Variants in TDRKH observed in about 807,000 individuals in gnomAD.
The protein encoded by TDRKH is tudor and KH domain-containing protein.
TDRKH carries 28 observed loss-of-function variants against 61.3 expected under a neutral mutation model. The observed-to-expected ratio is 0.46, with a 90% CI of 0.34 to 0.63. The LOEUF is 0.63. Ranked by LOEUF, TDRKH falls within the 20% of genes least tolerant of loss-of-function variation. The pLI is 0.01. For synonymous variants in TDRKH, 219 were observed against 244.4 expected (o/e 0.90, Z 0.97); for missense variants, 540 against 683.4 (o/e 0.79, Z 2.34).
intron 3 of TDRKH, 128 bp from the exon 4 acceptor site, chr1:151,780,268 ACAAC>A: frequency 3.5e-6 from 1 of 288,100 alleles, no homozygotes; most frequent in Non-Finnish European, 6.2e-6. Flanking sequence ...TACTATCTAT[ACAAC>A]CAGTCCTCAA....
At position 151,774,791 on chromosome 1, in the gene TDRKH, C is replaced by A. The variant is rs760319625; in HGVS notation, c.1552G>T (p.Ala518Ser). 6.2e-7 allele frequency: 1 copy of A among 1,614,170 alleles called. No homozygotes were observed. The highest frequency in any genetic ancestry group is 8.5e-7 in the Non-Finnish European group (1 of 1,180,010). The change falls in exon 12 of 13, where the codon GCC becomes TCC. Residue 518 changes from alanine (A) to serine (S), a missense_variant. Physicochemically the swap from Ala to Ser is moderately conservative, Grantham distance 99. This residue lies in a region of TDRKH where 379 missense variants were observed against 443.8 expected (regional missense o/e 0.85). Coordinates refer to ENST00000368824, the MANE Select transcript of TDRKH (RefSeq NM_001083965.2). ...TCAGTGAGCAACGTGCTGAGAGAGG[C>A]ATCTGTTTCTGTGGCCTGAGTGGAT... ...MLKDMATETD[A>S]SLSTLLTETK...
At position 151,781,605 on chromosome 1, in the gene TDRKH, CATCAG is replaced by C; in HGVS notation, c.125-23_125-19del. 6.2e-7 allele frequency: 1 copy of C among 1,609,716 alleles called. No individual in the cohort carries two copies. The highest frequency in any genetic ancestry group is 8.5e-7 in the Non-Finnish European group (1 of 1,177,036). On this transcript the variant is annotated intron_variant, in intron 2 of 12. Coordinates refer to ENST00000368824, the MANE Select transcript of TDRKH (RefSeq NM_001083965.2). ...CCGCTCTTCTGCACAGATCATTGTT[CATCAG>C]ATCAGACTTAGATAACACCCAAAGC...
chr1:151,784,364 A>AGG (rs1650118809), intron 1 of TDRKH, among the ~76,000 whole-genome samples: 1 of 152,096 alleles, frequency 6.6e-6, no homozygotes. Flanking sequence ...CACTTCAACT[A>AGG]CTTCCCATTT....
At chr1:151,789,072 C>G (rs904891210) in intron 1 of TDRKH, among the ~76,000 whole-genome samples, 3 of 152,198 alleles carry the variant, frequency 2.0e-5, no homozygotes, top group African/African-American at 7.2e-5. Flanking sequence ...TATTTAGAGA[C>G]AGAGCCTTGG....
In TDRKH at chr1:151,776,448, C is replaced by T. The variant is rs1649191193; in HGVS notation, c.1035G>A (p.Glu345=). The T allele has an allele frequency of 6.2e-7, 1 of 1,614,214 alleles. No homozygotes were observed. Among genetic ancestry groups the T allele is most frequent in the Non-Finnish European group, 8.5e-7 (1 of 1,180,024 alleles). The change falls in exon 7 of 13, where the codon GAG becomes GAA. Residue 345 remains glutamate (E), a synonymous_variant. Transcript: ENST00000368824. ...KLVNEMTQHY[E]NSVPEDLTVH... Reference sequence around the variant, plus strand: ...CCCTATGGCAACTCACCACACTATTCTCATAGTGCTGGGTCATCTCATTGA... The same window carrying T: ...CCCTATGGCAACTCACCACACTATTTTCATAGTGCTGGGTCATCTCATTGA...
At chr1:151,784,773 C>T (rs1650161076) in intron 1 of TDRKH, among the ~76,000 whole-genome samples, 1 of 152,144 alleles carries the variant, frequency 6.6e-6, no homozygotes. Flanking sequence ...TAACTCCTAT[C>T]TAGATGCTGA....
downstream of TDRKH, chr1:151,770,617 G>A (rs1355003933): frequency 2.0e-5 from 5 of 247,874 alleles, no homozygotes; most frequent in Non-Finnish European, 3.9e-5. Context: ...ATATTTAACC[G>A]GATGCCTGGA....
In TDRKH at chr1:151,778,951, T is replaced by C. The variant is rs780697848; in HGVS notation, c.617A>G (p.His206Arg). 6 of 1,614,210 alleles carry C rather than the reference T, an allele frequency of 3.7e-6. No individual in the cohort carries two copies. The South Asian group carries it at 5.5e-5, about 15-fold the overall frequency. Reference protein sequence around the residue: ...EDEELRKRIAHSAETRVPRKQ... With the variant: ...EDEELRKRIARSAETRVPRKQ... Reference sequence around the variant, plus strand: ...GCGTGGGACCCTGGTTTCTGCAGAATGAGCAATTCTCTTCCGAAGTTCTTC... The same window carrying C: ...GCGTGGGACCCTGGTTTCTGCAGAACGAGCAATTCTCTTCCGAAGTTCTTC... Residue 206 changes from histidine to arginine, a missense_variant, in exon 6 of 13, where the codon CAT (histidine) becomes CGT (arginine). By Grantham distance (29) the His-to-Arg change is conservative. Transcript: ENST00000368824.
At chr1:151,772,294 T>C (rs1486363984), downstream of TDRKH, among the ~76,000 whole-genome samples, 2 of 51,510 alleles carry the variant, frequency 3.9e-5, no homozygotes, top group African/African-American at 6.6e-5. Context: ...GGTTTCAGCA[T>C]GGTGCCAGGC....
intron 1 of TDRKH, among the ~76,000 whole-genome samples, chr1:151,785,151 C>T (rs1339046747): frequency 1.5e-4 from 23 of 152,132 alleles, no homozygotes; most frequent in Non-Finnish European, 2.9e-5. Flanking sequence ...AGGCTGGTCT[C>T]AAACTCCTGG....
chr1:151,769,005 C>T (rs972243345), downstream of TDRKH, among the ~76,000 whole-genome samples: 2 of 152,120 alleles, frequency 1.3e-5, no homozygotes, highest in Non-Finnish European at 2.9e-5. Context: ...TAACAGCATC[C>T]CAAGGCAGAA....
intron 12 of TDRKH, 30 bp from the exon 13 acceptor site, chr1:151,774,534 T>C (rs1648962986): frequency 1.2e-6 from 2 of 1,613,174 alleles, no homozygotes; most frequent in Admixed American, 1.7e-5. Flanking sequence ...AGGAGAAAGT[T>C]AGACACTGCC....
At chr1:151,769,995 A>T, downstream of TDRKH, 1 of 928,890 alleles carries the variant, frequency 1.1e-6, no homozygotes, top group Non-Finnish European at 1.6e-6. Flanking sequence ...TCAGGCAGGG[A>T]GGTTGCAGTG....
downstream of TDRKH, among the ~76,000 whole-genome samples, chr1:151,773,044 T>C (rs1396376874): frequency 4.7e-5 from 7 of 150,428 alleles, no homozygotes; most frequent in Non-Finnish European, 1.0e-4. Context: ...TTGTATTTTG[T>C]ATTTTTGTAT....
downstream of TDRKH, chr1:151,767,029 C>T (rs942126115): frequency 5.7e-6 from 8 of 1,415,432 alleles, no homozygotes; most frequent in Non-Finnish European, 7.7e-6. Context: ...AGAATTTTTC[C>T]ATCTGGTTGG....
chr1:151,767,424 A>G, downstream of TDRKH: 2 of 1,487,886 alleles, frequency 1.3e-6, no homozygotes, highest in Non-Finnish European at 1.8e-6. Flanking sequence ...ACGCATGTGT[A>G]AAAGCTACTT....
intron 1 of TDRKH, among the ~76,000 whole-genome samples, chr1:151,788,469 A>AT (rs769324328): frequency 1.8e-4 from 27 of 152,194 alleles, no homozygotes; most frequent in Non-Finnish European, 2.8e-4. Flanking sequence ...CCTGTGAACA[A>AT]GAATAAACTG....
At chr1:151,777,023 G>C (rs1649248546) in intron 6 of TDRKH, among the ~76,000 whole-genome samples, 1 of 152,172 alleles carries the variant, frequency 6.6e-6, no homozygotes, top group African/African-American at 2.4e-5. Context: ...GGGAATCCAG[G>C]TCCTCTTTGC....
chr1:151,773,610 C>T lies in TDRKH; in HGVS notation c.*842G>A, dbSNP rs1648877786. ...TGTATACATATAGATATTATACTAG[C>T]AATTTAGAAAATTTCCTGAGCCTCC... is the stretch of plus-strand genomic sequence containing the variant. On this transcript the variant is annotated 3_prime_UTR_variant, in exon 13 of 13. Coordinates refer to ENST00000368824, the MANE Select transcript of TDRKH (RefSeq NM_001083965.2). 1 of 152,402 alleles carries T rather than the reference C, an allele frequency of 6.6e-6. No individual in the cohort carries two copies. The highest frequency in any genetic ancestry group is 2.4e-5 in the African/African-American group (1 of 41,416). 9.4% of individuals were successfully genotyped at this position (152,402 alleles called of 1,614,324 possible).
Sources: gnomAD v4.1 joint callset for allele counts (sites outside exome capture counted in the v4.1 genomes callset) on GRCh38, gnomAD v4.1.1 for gene constraint, gnomAD v4.1.1 regional missense constraint, MANE v1.5 for transcripts, NCBI Gene and HGNC (gene_info 2026-07-23, HGNC 2026-07-21) for gene names.